Variants in CFTR observed in about 807,000 individuals in gnomAD.
CFTR encodes CF transmembrane conductance regulator, also known as cystic fibrosis transmembrane conductance regulator.
CFTR carries 181 observed loss-of-function variants against 171.6 expected under a neutral mutation model. That is an observed-to-expected ratio of 1.05 (90% confidence interval 0.93 to 1.19). CFTR has a LOEUF of 1.19. Among genes scored for constraint, CFTR ranks in the 50% most tolerant of loss-of-function variants. The pLI, the probability that CFTR is intolerant of heterozygous loss-of-function variation, is 0.00. For synonymous variants in CFTR, 583 were observed against 608.0 expected (o/e 0.96, Z 0.60); for missense variants, 1,968 against 1,734.7 (o/e 1.13, Z -2.39).
Position 117,542,188 on chromosome 7 carries a change from G to A in CFTR, c.1209+80G>A, listed in dbSNP as rs948980243. 64 of 754,030 alleles carry A rather than the reference G, an allele frequency of 8.5e-5. No homozygotes were observed. Among genetic ancestry groups the A allele is most frequent in the Non-Finnish European group, 1.2e-4 (50 of 410,386 alleles). 46.7% of individuals were successfully genotyped at this position (754,030 alleles called of 1,614,324 possible). ...TGAATATGGATTTCATCCTAATGGC[G>A]AATAAAATTAGAATGATGATATAAC... On this transcript the variant is annotated intron_variant, in intron 9 of 26. Transcript: ENST00000003084.
At chr7:117,662,187 C>CA (rs1793301268) in intron 24 of CFTR, among the ~76,000 whole-genome samples, 1 of 152,114 alleles carries the variant, frequency 6.6e-6, no homozygotes, top group Non-Finnish European at 1.5e-5. Context: ...GTCATTCATT[C>CA]ATCCTCAAGT....
Position 117,536,584 on chromosome 7 carries a change from G to T in CFTR, c.780G>T (p.Val260=), listed in dbSNP as rs946917523. The T allele has an allele frequency of 5.0e-6, 8 of 1,605,144 alleles. No individual in the cohort carries two copies. The highest frequency in any genetic ancestry group is 6.8e-6 in the Non-Finnish European group (8 of 1,175,266). ...QRAGKISERL[V]ITSEMIENIQ... ...CTGGGAAGATCAGTGAAAGACTTGT[G>T]ATTACCTCAGAAATGATTGAAAATA... is the stretch of plus-strand genomic sequence containing the variant. Residue 260 remains valine, a synonymous_variant, in exon 7 of 27, where the codon GTG becomes GTT. Coordinates refer to ENST00000003084, the MANE Select transcript of CFTR (RefSeq NM_000492.4).
chr7:117,529,513 TAAAAAAA>T (rs61443875), intron 3 of CFTR, among the ~76,000 whole-genome samples: 2 of 119,984 alleles, frequency 1.7e-5, no homozygotes, highest in African/African-American at 5.5e-5. Flanking sequence ...ACTTAGAGTA[TAAAAAAA>T]AAAAAAAAAA....
At chr7:117,618,677 G>A (rs565260954) in intron 21 of CFTR, among the ~76,000 whole-genome samples, 19 of 152,184 alleles carry the variant, frequency 1.2e-4, no homozygotes, top group Admixed American at 2.6e-4. Context: ...ATGAGTTTCC[G>A]TTCAGTATCT....
At chr7:117,597,589 C>G (rs1474099156) in intron 15 of CFTR, among the ~76,000 whole-genome samples, 1 of 152,226 alleles carries the variant, frequency 6.6e-6, no homozygotes, top group Non-Finnish European at 1.5e-5. Context: ...AGGTTGGACA[C>G]AGCTGCTCTA....
At chr7:117,521,237 C>T (rs998219134) in intron 3 of CFTR, among the ~76,000 whole-genome samples, 1 of 151,956 alleles carries the variant, frequency 6.6e-6, no homozygotes, top group Non-Finnish European at 1.5e-5. Flanking sequence ...GTTACACAAT[C>T]ATATTCTATG....
intron 1 of CFTR, among the ~76,000 whole-genome samples, chr7:117,485,193 A>G (rs1300350060): frequency 6.6e-6 from 1 of 152,230 alleles, no homozygotes; most frequent in East Asian, 1.9e-4. Context: ...TGATAGAGCT[A>G]CAATATAAGT....
chr7:117,498,132 T>C (rs573462470), intron 1 of CFTR, among the ~76,000 whole-genome samples: 6 of 152,150 alleles, frequency 3.9e-5, no homozygotes, highest in Admixed American at 3.3e-4. Context: ...AGAAGATTTT[T>C]CAGTATTGGT....
intron 11 of CFTR, among the ~76,000 whole-genome samples, chr7:117,560,541 AT>A (rs1584798896): frequency 6.6e-6 from 1 of 152,154 alleles, no homozygotes; most frequent in African/African-American, 2.4e-5. Flanking sequence ...ATCCAAAAAA[AT>A]GGAAAAGGGC....
At position 117,536,681 on chromosome 7, in the gene CFTR, G is replaced by A. The variant is rs773933167; in HGVS notation, c.869+8G>A. ...GATTGAAAACTTAAGACAGTAAGTT[G>A]TTCCAATAATTTCAATATTGTTAGT... is the stretch of plus-strand genomic sequence containing the variant. On this transcript the variant is annotated splice_region_variant and intron_variant, in intron 7 of 26. Transcript: ENST00000003084. The A allele has an allele frequency of 6.2e-7, 1 of 1,607,666 alleles. No individual in the cohort carries two copies. Among genetic ancestry groups the A allele is most frequent in the Non-Finnish European group, 8.5e-7 (1 of 1,176,434 alleles).
intron 11 of CFTR, among the ~76,000 whole-genome samples, chr7:117,566,718 T>C (rs1248518116): frequency 6.6e-6 from 1 of 152,210 alleles, no homozygotes; most frequent in Non-Finnish European, 1.5e-5. Flanking sequence ...CTAGCTAACA[T>C]CTGTGAACAG....
intron 4 of CFTR, 60 bp downstream of exon 4, chr7:117,531,174 G>T: frequency 7.5e-7 from 1 of 1,337,644 alleles, no homozygotes; most frequent in South Asian, 1.2e-5. Context: ...ATGTTTTAAT[G>T]TCATAAATTA....
intron 21 of CFTR, among the ~76,000 whole-genome samples, chr7:117,623,271 G>A (rs1314995001): frequency 2.0e-5 from 3 of 152,214 alleles, no homozygotes; most frequent in Non-Finnish European, 2.9e-5. Flanking sequence ...GTGCTCCTAC[G>A]GAAGTGGGTG....
chr7:117,486,833 A>G (rs1798081638), intron 1 of CFTR, among the ~76,000 whole-genome samples: 1 of 140,386 alleles, frequency 7.1e-6, no homozygotes, highest in African/African-American at 2.6e-5. Context: ...AGTTTTGTAA[A>G]AGAAAAGATG....
At chr7:117,619,367 C>T (rs1792538142) in intron 21 of CFTR, among the ~76,000 whole-genome samples, 1 of 152,152 alleles carries the variant, frequency 6.6e-6, no homozygotes, top group Non-Finnish European at 1.5e-5. Context: ...TCAAAATGAA[C>T]CATACCAAGC....
intron 3 of CFTR, among the ~76,000 whole-genome samples, chr7:117,510,667 C>T (rs892983872): frequency 6.6e-6 from 1 of 152,070 alleles, no homozygotes. Flanking sequence ...CTCTAGATCC[C>T]ACCAACATAG....
In CFTR at chr7:117,531,035, T is replaced by A. The variant is rs397508674; in HGVS notation, c.410T>A (p.Leu137His). 1 of 1,613,806 alleles carries A rather than the reference T, an allele frequency of 6.2e-7. No homozygotes were observed. The highest frequency in any genetic ancestry group is 8.5e-7 in the Non-Finnish European group (1 of 1,179,872). ...LCLLFIVRTL[L>H]LHPAIFGLHH... The stretch of plus-strand genomic sequence containing the variant: ...CTTCTCTTTATTGTGAGGACACTGC[T>A]CCTACACCCAGCCATTTTTGGCCTT... The change falls in exon 4 of 27, where the codon CTC becomes CAC. Residue 137 changes from leucine (L) to histidine (H), a missense_variant. Coordinates refer to ENST00000003084, the MANE Select transcript of CFTR (RefSeq NM_000492.4).
intron 1 of CFTR, among the ~76,000 whole-genome samples, chr7:117,483,824 T>C (rs1798033360): frequency 6.6e-6 from 1 of 152,016 alleles, no homozygotes; most frequent in Non-Finnish European, 1.5e-5. Flanking sequence ...ATCCTCCCAC[T>C]CAGTCTCCCA....
intron 10 of CFTR, among the ~76,000 whole-genome samples, chr7:117,558,010 GCT>G (rs1334798644): frequency 4.6e-5 from 7 of 152,158 alleles, no homozygotes; most frequent in African/African-American, 1.7e-4. Context: ...TAAGGGCATA[GCT>G]CTGTGGCATA....
Sources: gnomAD v4.1 joint callset for allele counts (sites outside exome capture counted in the v4.1 genomes callset) on GRCh38, gnomAD v4.1.1 for gene constraint, MANE v1.5 for transcripts, NCBI Gene and HGNC (gene_info 2026-07-23, HGNC 2026-07-21) for gene names.